AKR1B1: variants seen among roughly 807,000 people sequenced by gnomAD.
AKR1B1 encodes aldo-keto reductase family 1 member B1.
Under a neutral mutation model 40.4 loss-of-function variants are expected in AKR1B1, and 22 were observed. That is an observed-to-expected ratio of 0.54 (90% confidence interval 0.39 to 0.78). The LOEUF is 0.78. AKR1B1 is among the 30% of genes least tolerant of loss of function. The pLI is 0.00. For synonymous variants in AKR1B1, 157 were observed against 149.9 expected (o/e 1.05, Z -0.35); for missense variants, 357 against 396.7 (o/e 0.90, Z 0.85).
At chr7:134,448,812 CTT>C (rs1188014011) in intron 5 of AKR1B1, among the ~76,000 whole-genome samples, 183 bp downstream of exon 5, 1 of 152,156 alleles carries the variant, frequency 6.6e-6, no homozygotes, top group African/African-American at 2.4e-5. Flanking sequence ...GGCTCAAACT[CTT>C]TCTTTCCTGT....
intron 1 of AKR1B1, among the ~76,000 whole-genome samples, chr7:134,455,863 G>T (rs1806454352): frequency 6.6e-6 from 1 of 152,192 alleles, no homozygotes; most frequent in Non-Finnish European, 1.5e-5. Context: ...GATTACAGGT[G>T]TAATTGTTTA....
At chr7:134,449,288 G>T (rs1806204850) in intron 4 of AKR1B1, 169 bp from the exon 5 acceptor site, 2 of 974,300 alleles carry the variant, frequency 2.1e-6, no homozygotes, top group Non-Finnish European at 3.2e-6. Flanking sequence ...GCTTTAATGA[G>T]ATAAGAAGAG....
chr7:134,449,566 A>G lies in AKR1B1; in HGVS notation c.429+154T>C, dbSNP rs562199416. The G allele has an allele frequency of 1.6e-3, 1,139 of 705,578 alleles. 13 individuals carry two copies. The highest frequency in any genetic ancestry group is 0.013 in the South Asian group (756 of 58,852). The allele number at this position is 705,578 out of a possible 1,614,324, so 43.7% of individuals were successfully genotyped here. On this transcript the variant is annotated intron_variant, in intron 4 of 9. Transcript: ENST00000285930. ...TGTGCCACTGCACTCCAGCCTGGGC[A>G]ACAGAGGGAGACCCCAACTCAAAAA... is the stretch of plus-strand genomic sequence containing the variant.
At chr7:134,443,617 C>T (rs530298405) in intron 9 of AKR1B1, among the ~76,000 whole-genome samples, 15 of 150,948 alleles carry the variant, frequency 9.9e-5, no homozygotes, top group Admixed American at 8.0e-4. Flanking sequence ...CAGGTGCAGA[C>T]GTGTTTGTCA....
chr7:134,455,053 C>T (rs544875349), intron 1 of AKR1B1, among the ~76,000 whole-genome samples: 74 of 152,188 alleles, frequency 4.9e-4, no homozygotes, highest in Non-Finnish European at 8.4e-4. Flanking sequence ...ATGCCCACAG[C>T]GCCTCAACCC....
chr7:134,457,090 A>T (rs1806493618), intron 1 of AKR1B1, among the ~76,000 whole-genome samples: 1 of 151,826 alleles, frequency 6.6e-6, no homozygotes, highest in Non-Finnish European at 1.5e-5. Flanking sequence ...GTGAATCATG[A>T]TCATGCCACT....
intron 8 of AKR1B1, 29 bp downstream of exon 8, chr7:134,447,269 G>C: frequency 1.9e-6 from 3 of 1,598,822 alleles, no homozygotes; most frequent in Non-Finnish European, 2.6e-6. Context: ...CCATGGAGGA[G>C]GGCCAGGCCT....
At chr7:134,454,375 T>TA (rs2117463302) in intron 1 of AKR1B1, among the ~76,000 whole-genome samples, 1 of 152,332 alleles carries the variant, frequency 6.6e-6, no homozygotes, top group East Asian at 1.9e-4. Context: ...ACCGGCTGGC[T>TA]AATACCAACT....
chr7:134,455,275 C>CA (rs1806434452), intron 1 of AKR1B1, among the ~76,000 whole-genome samples: 2 of 152,082 alleles, frequency 1.3e-5, no homozygotes, highest in African/African-American at 4.8e-5. Flanking sequence ...TGGCCATAAG[C>CA]AGAAGTACAA....
intron 9 of AKR1B1, among the ~76,000 whole-genome samples, chr7:134,443,467 A>G (rs1424545154): frequency 1.3e-5 from 2 of 152,006 alleles, no homozygotes; most frequent in Admixed American, 6.6e-5. Context: ...AAAGGATAAG[A>G]GAAGCAACGG....
intron 1 of AKR1B1, among the ~76,000 whole-genome samples, chr7:134,458,231 G>A (rs768667131): frequency 6.7e-4 from 101 of 150,986 alleles, no homozygotes; most frequent in Admixed American, 3.0e-3. Context: ...TTCTCATCCG[G>A]CTAGGCACTT....
chr7:134,444,934 A>C lies in AKR1B1; in HGVS notation c.908+304T>G, dbSNP rs1806050646. On this transcript the variant is annotated intron_variant, in intron 9 of 9. Coordinates refer to ENST00000285930, the MANE Select transcript of AKR1B1 (RefSeq NM_001628.4). ...GTTTGATCCAGGGTCACCTGGGATCACCTAGTTTCAGATGAACTGCTAGGA... is the reference window on the plus strand; with the variant it reads ...GTTTGATCCAGGGTCACCTGGGATCCCCTAGTTTCAGATGAACTGCTAGGA... 6 of 501,542 alleles carry C rather than the reference A, an allele frequency of 1.2e-5. No homozygotes were observed. In the South Asian group the frequency reaches 1.3e-4, roughly 11 times the overall value. 31.1% of individuals were successfully genotyped at this position (501,542 alleles called of 1,614,324 possible). A position where few individuals can be genotyped will look rare whatever the true frequency, so the allele number is the denominator to read the frequency against.
intron 1 of AKR1B1, among the ~76,000 whole-genome samples, chr7:134,452,999 C>A (rs948232832): frequency 6.6e-6 from 1 of 152,184 alleles, no homozygotes; most frequent in African/African-American, 2.4e-5. Flanking sequence ...GCTGCTCTTG[C>A]AGCCTTCCCC....
intron 7 of AKR1B1, 134 bp downstream of exon 7, chr7:134,447,846 C>T (rs1421924930): frequency 2.5e-6 from 2 of 809,820 alleles, no homozygotes; most frequent in African/African-American, 3.4e-5. Context: ...GCCCTTTCCA[C>T]TCTGTACTTG....
intron 9 of AKR1B1, chr7:134,445,000 A>T (rs1415672636): frequency 1.6e-6 from 1 of 607,110 alleles, no homozygotes; most frequent in East Asian, 2.8e-5. Context: ...TAGTTACTTC[A>T]GGCCAGGCCA....
At chr7:134,448,655 G>A (rs1806184329) in intron 5 of AKR1B1, among the ~76,000 whole-genome samples, 162 bp from the exon 6 acceptor site, 2 of 152,160 alleles carry the variant, frequency 1.3e-5, no homozygotes, top group Admixed American at 1.3e-4. Context: ...ACAGTTCCCA[G>A]GTAGTATCCT....
At position 134,451,749 on chromosome 7, in the gene AKR1B1, G is replaced by A. The variant is rs1292342051; in HGVS notation, c.71C>T (p.Pro24Leu). 1.9e-6 allele frequency: 3 copies of A among 1,613,964 alleles called. No homozygotes were observed. The African/African-American group carries it at 4.0e-5, about 22-fold the overall frequency. ...CACGGCCTCAGTCACCTGCCCTGGA[G>A]GGGACTGAAAGGAGAAAGAACGTGA... ...PILGLGTWKSPPGQVTEAVKV... is the reference protein window; with the variant it reads ...PILGLGTWKSLPGQVTEAVKV... Residue 24 changes from proline (P) to leucine (L), a missense_variant, in exon 2 of 10, where the codon CCT (proline) becomes CTT (leucine). Physicochemically the swap from Pro to Leu is moderately conservative, Grantham distance 98. Transcript: ENST00000285930.
intron 1 of AKR1B1, among the ~76,000 whole-genome samples, chr7:134,458,466 G>A (rs1806558857): frequency 6.6e-6 from 1 of 152,128 alleles, no homozygotes; most frequent in African/African-American, 2.4e-5. Context: ...GGCTTGAGAT[G>A]CTTATTCCTC....
chr7:134,448,153 A>C (rs2117451227), intron 6 of AKR1B1, 92 bp from the exon 7 acceptor site: 1 of 1,128,816 alleles, frequency 8.9e-7, no homozygotes, highest in African/African-American at 1.5e-5. Flanking sequence ...TCGACCTCAG[A>C]GGGCAGCCAC....
Sources: gnomAD v4.1 joint callset for allele counts (sites outside exome capture counted in the v4.1 genomes callset) on GRCh38, gnomAD v4.1.1 for gene constraint, MANE v1.5 for transcripts, NCBI Gene and HGNC (gene_info 2026-07-23, HGNC 2026-07-21) for gene names.